PCDH15: variants seen among roughly 807,000 people sequenced by gnomAD.
The protein encoded by PCDH15 is protocadherin-15.
Under a neutral mutation model 178.5 loss-of-function variants are expected in PCDH15, and 129 were observed. The ratio of observed to expected loss-of-function variants is 0.72; its 90% CI spans 0.63 to 0.84. The LOEUF (loss-of-function observed/expected upper bound fraction) is 0.84. PCDH15 is among the 40% of genes least tolerant of loss of function. PCDH15 has a pLI of 0.00. For synonymous variants in PCDH15, 800 were observed against 732.0 expected (o/e 1.09, Z -1.50); for missense variants, 2,230 against 2,099.9 (o/e 1.06, Z -1.21).
At chr10:53,875,090 AAAT>A in intron 26 of PCDH15, among the ~76,000 whole-genome samples, 1 of 152,174 alleles carries the variant, frequency 6.6e-6, no homozygotes, top group Non-Finnish European at 1.5e-5. Context: ...AAATTTTGGC[AAAT>A]ATCTAATCAG....
At chr10:55,328,333 G>A (rs1355545511) in intron 2 of PCDH15, among the ~76,000 whole-genome samples, 2 of 151,686 alleles carry the variant, frequency 1.3e-5, no homozygotes, top group East Asian at 1.9e-4. Flanking sequence ...ATCATTGAGC[G>A]TACCTACACA....
At chr10:55,361,931 C>T (rs1043785585) in intron 2 of PCDH15, among the ~76,000 whole-genome samples, 3 of 151,996 alleles carry the variant, frequency 2.0e-5, no homozygotes, top group Non-Finnish European at 2.9e-5. Flanking sequence ...TCATGTATTA[C>T]GTTTACCATG....
intron 2 of PCDH15, among the ~76,000 whole-genome samples, chr10:54,584,925 T>C (rs749833787): frequency 6.6e-6 from 1 of 152,138 alleles, no homozygotes. Context: ...GTAAAGACAA[T>C]GTCAGGAACG....
intron 25 of PCDH15, chr10:53,905,047 C>A (rs1478497033): frequency 2.5e-6 from 1 of 406,524 alleles, no homozygotes; most frequent in Non-Finnish European, 5.0e-6. Context: ...CCCTTACCTC[C>A]CAACCCTAAC....
At chr10:55,516,246 G>C (rs1408074118) in intron 2 of PCDH15, among the ~76,000 whole-genome samples, 5 of 151,932 alleles carry the variant, frequency 3.3e-5, no homozygotes. Flanking sequence ...AAGATCTGAT[G>C]AACTTATAAA....
intron 2 of PCDH15, among the ~76,000 whole-genome samples, chr10:55,075,225 G>A (rs1841853724): frequency 6.6e-6 from 1 of 152,058 alleles, no homozygotes; most frequent in Non-Finnish European, 1.5e-5. Flanking sequence ...AGGGTTATGA[G>A]AATATGGTGT....
intron 2 of PCDH15, among the ~76,000 whole-genome samples, chr10:54,969,259 G>A (rs756055055): frequency 6.6e-6 from 1 of 152,264 alleles, no homozygotes; most frequent in Middle Eastern, 3.4e-3. Context: ...TGGAAGCAGT[G>A]TGATCCTTTT....
At chr10:55,570,974 T>C (rs1357120420) in intron 2 of PCDH15, among the ~76,000 whole-genome samples, 1 of 152,022 alleles carries the variant, frequency 6.6e-6, no homozygotes, top group African/African-American at 2.4e-5. Context: ...AAAAGCAAAA[T>C]TCCCTAAATA....
chr10:55,316,480 T>A (rs543949546), intron 1 of PCDH15, among the ~76,000 whole-genome samples: 3 of 152,178 alleles, frequency 2.0e-5, no homozygotes, highest in Non-Finnish European at 4.4e-5. Context: ...TAATATCAGT[T>A]GCAGGATATT....
chr10:55,373,957 G>A (rs549929853), intron 2 of PCDH15, among the ~76,000 whole-genome samples: 33 of 151,588 alleles, frequency 2.2e-4, no homozygotes, highest in Non-Finnish European at 4.4e-4. Context: ...GGGGGGCTGG[G>A]GGAGGGACAG....
intron 2 of PCDH15, among the ~76,000 whole-genome samples, chr10:55,144,470 A>G (rs1158238533): frequency 1.3e-5 from 2 of 152,146 alleles, no homozygotes; most frequent in African/African-American, 4.8e-5. Flanking sequence ...AGGTGGATCT[A>G]TTGATCTGCA....
chr10:55,593,178 C>A (rs771719377), intron 2 of PCDH15, among the ~76,000 whole-genome samples: 1 of 151,724 alleles, frequency 6.6e-6, no homozygotes, highest in Non-Finnish European at 1.5e-5. Flanking sequence ...GTTCAAAATA[C>A]GTATAAAAGA....
intron 1 of PCDH15, among the ~76,000 whole-genome samples, chr10:55,214,521 T>A (rs1434452942): frequency 6.6e-6 from 1 of 151,916 alleles, no homozygotes; most frequent in Admixed American, 6.6e-5. Context: ...ATCCAAATTT[T>A]TTTGTCTTAA....
At chr10:54,248,856 G>GA (rs1025503619) in intron 8 of PCDH15, among the ~76,000 whole-genome samples, 2 of 152,060 alleles carry the variant, frequency 1.3e-5, no homozygotes, top group Non-Finnish European at 2.9e-5. Context: ...ATAGGAGTGG[G>GA]AAAAAAGAGT....
At chr10:54,026,187 G>T (rs1369254409) in intron 18 of PCDH15, among the ~76,000 whole-genome samples, 1 of 151,622 alleles carries the variant, frequency 6.6e-6, no homozygotes, top group Non-Finnish European at 1.5e-5. Flanking sequence ...TCCCACCTCA[G>T]CGTCCTGCGC....
At chr10:54,986,081 CTTG>C (rs1158049063) in intron 2 of PCDH15, among the ~76,000 whole-genome samples, 8 of 152,028 alleles carry the variant, frequency 5.3e-5, no homozygotes, top group Non-Finnish European at 1.0e-4. Flanking sequence ...GGGAGAATAT[CTTG>C]TTGTCTTATG....
At chr10:54,842,528 T>C (rs1271197929) in intron 3 of PCDH15, among the ~76,000 whole-genome samples, 1 of 151,910 alleles carries the variant, frequency 6.6e-6, no homozygotes, top group Non-Finnish European at 1.5e-5. Flanking sequence ...TTTTAAAATA[T>C]GTTTTGAAAT....
intron 1 of PCDH15, among the ~76,000 whole-genome samples, chr10:55,257,044 G>T (rs1372924230): frequency 6.6e-6 from 1 of 152,160 alleles, no homozygotes; most frequent in Admixed American, 6.5e-5. Context: ...GGAATGATCA[G>T]GTAGCAACAT....
intron 1 of PCDH15, among the ~76,000 whole-genome samples, chr10:54,691,712 A>C (rs760382646): frequency 2.6e-5 from 4 of 152,038 alleles, no homozygotes; most frequent in Non-Finnish European, 5.9e-5. Context: ...TGGATTTCTG[A>C]ATAAGAAATT....
Sources: gnomAD v4.1 joint callset for allele counts (sites outside exome capture counted in the v4.1 genomes callset) on GRCh38, gnomAD v4.1.1 for gene constraint, MANE v1.5 for transcripts, NCBI Gene and HGNC (gene_info 2026-07-23, HGNC 2026-07-21) for gene names.